LMBR1: variants seen among roughly 807,000 people sequenced by gnomAD.
LMBR1 encodes the protein limb region 1 protein homolog.
LMBR1 carries 52 observed loss-of-function variants against 73.9 expected under a neutral mutation model. The observed-to-expected ratio is 0.70, with a 90% CI of 0.56 to 0.89. LMBR1 has a LOEUF of 0.89. Ranked by LOEUF, LMBR1 falls within the 40% of genes least tolerant of loss-of-function variation. The probability of loss-of-function intolerance (pLI) is 0.00; values close to 1 mark genes in which losing one functional copy is unlikely to be tolerated. For synonymous variants in LMBR1, 215 were observed against 209.4 expected (o/e 1.03, Z -0.23); for missense variants, 539 against 579.8 (o/e 0.93, Z 0.72).
At chr7:156,879,457 G>A (rs560507924) in intron 1 of LMBR1, among the ~76,000 whole-genome samples, 42 of 152,268 alleles carry the variant, frequency 2.8e-4, no homozygotes, top group Admixed American at 2.6e-3. Context: ...GAGGTCAGGA[G>A]ATCGAGACCA....
At position 156,678,553 on chromosome 7, in the gene LMBR1, A is replaced by G. The variant is rs1053897354; in HGVS notation, c.*5525T>C. The G allele has an allele frequency of 4.6e-5, 7 of 152,324 alleles. No individual in the cohort carries two copies. In the East Asian group the frequency reaches 1.3e-3, roughly 29 times the overall value. The allele number at this position is 152,324 out of a possible 1,614,324, so 9.4% of individuals were successfully genotyped here. A position where few individuals can be genotyped will look rare whatever the true frequency, so the allele number is the denominator to read the frequency against. ...GGAAAACAGTGCAAGCTTTTATACAATTACTCCACAGCCTCATCAGGTCTC... is the reference window on the plus strand; with the variant it reads ...GGAAAACAGTGCAAGCTTTTATACAGTTACTCCACAGCCTCATCAGGTCTC... On this transcript the variant is annotated 3_prime_UTR_variant, in exon 17 of 17. Transcript: ENST00000353442.
At chr7:156,830,459 T>C (rs1836483216) in intron 3 of LMBR1, among the ~76,000 whole-genome samples, 1 of 152,236 alleles carries the variant, frequency 6.6e-6, no homozygotes, top group Non-Finnish European at 1.5e-5. Context: ...TTATCATAGT[T>C]GAATTTAAAT....
chr7:156,676,440 G>C (rs771521330), downstream of LMBR1: 1 of 1,613,926 alleles, frequency 6.2e-7, no homozygotes, highest in African/African-American at 1.3e-5. Context: ...GGAGACCCAC[G>C]AGTGCTCCAT....
intron 1 of LMBR1, among the ~76,000 whole-genome samples, chr7:156,843,584 G>A (rs770314722): frequency 2.6e-5 from 4 of 152,094 alleles, no homozygotes; most frequent in East Asian, 1.9e-4. Context: ...AGTGGCTCCC[G>A]TCTGTAATTC....
intron 4 of LMBR1, among the ~76,000 whole-genome samples, chr7:156,803,827 G>A (rs1437203762): frequency 1.3e-5 from 2 of 151,922 alleles, no homozygotes; most frequent in Non-Finnish European, 2.9e-5. Context: ...AAAAGGATGA[G>A]TTCATGTCCT....
At chr7:156,771,104 A>G (rs1419539839) in intron 5 of LMBR1, among the ~76,000 whole-genome samples, 2 of 152,138 alleles carry the variant, frequency 1.3e-5, no homozygotes, top group African/African-American at 4.8e-5. Context: ...TAATCAAGAC[A>G]TAAGATTTTA....
intron 15 of LMBR1, among the ~76,000 whole-genome samples, chr7:156,711,552 C>A (rs943809472): frequency 2.0e-5 from 3 of 151,910 alleles, no homozygotes; most frequent in African/African-American, 7.3e-5. Context: ...CAAAGCAATC[C>A]TAAGGAAAAA....
intron 3 of LMBR1, among the ~76,000 whole-genome samples, chr7:156,831,766 T>C (rs1836734277): frequency 6.6e-6 from 1 of 152,166 alleles, no homozygotes; most frequent in Admixed American, 6.5e-5. Flanking sequence ...TCAATGTACT[T>C]TTAGGGGTAA....
At chr7:156,704,854 A>C (rs142803069) in intron 15 of LMBR1, among the ~76,000 whole-genome samples, 3 of 152,080 alleles carry the variant, frequency 2.0e-5, no homozygotes, top group African/African-American at 7.2e-5. Context: ...AGAAGAAAGA[A>C]TCTCAGAACG....
At chr7:156,717,474 G>A (rs553477761) in intron 15 of LMBR1, among the ~76,000 whole-genome samples, 34 of 152,264 alleles carry the variant, frequency 2.2e-4, no homozygotes, top group Non-Finnish European at 4.4e-4. Flanking sequence ...AAAAGACACA[G>A]CTAAGGAATG....
At chr7:156,726,874 C>T (rs1010760200) in intron 12 of LMBR1, among the ~76,000 whole-genome samples, 8 of 152,040 alleles carry the variant, frequency 5.3e-5, no homozygotes, top group African/African-American at 9.7e-5. Context: ...GACACGAGGA[C>T]ACCGAGAAGA....
chr7:156,857,647 C>T (rs1797155001), intron 1 of LMBR1, among the ~76,000 whole-genome samples: 1 of 152,168 alleles, frequency 6.6e-6, no homozygotes, highest in African/African-American at 2.4e-5. Flanking sequence ...AACAATAGCA[C>T]AATATGCATT....
At chr7:156,684,233 G>T in intron 16 of LMBR1, 70 bp from the exon 17 acceptor site, 1 of 1,150,962 alleles carries the variant, frequency 8.7e-7, no homozygotes, top group Non-Finnish European at 1.3e-6. Flanking sequence ...TTAGGGTAGG[G>T]AGAAGAGGAG....
intron 1 of LMBR1, among the ~76,000 whole-genome samples, chr7:156,843,095 GCAGTCTTCCTCCCTCTCTGTTGTTCTCC>G (rs1313342919): frequency 1.3e-4 from 20 of 152,156 alleles, no homozygotes; most frequent in African/African-American, 4.8e-4. Context: ...ACTTCTGTCA[GCAGTCTTCCTCCCTCTCTGTTGTTCTCC>G]CAGTCTCCCT....
intron 5 of LMBR1, among the ~76,000 whole-genome samples, chr7:156,779,995 T>A (rs913055036): frequency 1.3e-5 from 2 of 152,156 alleles, no homozygotes; most frequent in African/African-American, 4.8e-5. Flanking sequence ...ATTATTTTAT[T>A]TTAAGCCATG....
intron 15 of LMBR1, among the ~76,000 whole-genome samples, chr7:156,703,997 C>T (rs369538314): frequency 4.8e-4 from 73 of 152,292 alleles, no homozygotes; most frequent in African/African-American, 1.7e-3. Flanking sequence ...GGGCAAAGTG[C>T]TTGGAAACTA....
At chr7:156,792,662 A>G (rs1363892054) in intron 5 of LMBR1, among the ~76,000 whole-genome samples, 1 of 152,252 alleles carries the variant, frequency 6.6e-6, no homozygotes, top group Non-Finnish European at 1.5e-5. Flanking sequence ...CCCAGGCCTA[A>G]TATGTCCTGT....
rs921584320 is a variant in LMBR1 at position 156,728,508 on chromosome 7, G to A, written c.915+136C>T. 3 of 568,610 alleles carry A rather than the reference G, an allele frequency of 5.3e-6. No individual in the cohort carries two copies. The African/African-American group carries it at 5.9e-5, about 11-fold the overall frequency. 35.2% of individuals were successfully genotyped at this position (568,610 alleles called of 1,614,324 possible). On this transcript the variant is annotated intron_variant, in intron 11 of 16. Coordinates refer to ENST00000353442, the MANE Select transcript of LMBR1 (RefSeq NM_022458.4). ...CTTTATTGGATTTTCATAAATAAAG[G>A]CATAGATGGATTTTAATCCTGTTGA...
At chr7:156,785,007 T>G (rs2133235093) in intron 5 of LMBR1, among the ~76,000 whole-genome samples, 1 of 152,260 alleles carries the variant, frequency 6.6e-6, no homozygotes, top group Non-Finnish European at 1.5e-5. Context: ...AAAATATATG[T>G]ACACAAGATG....
Sources: gnomAD v4.1 joint callset for allele counts (sites outside exome capture counted in the v4.1 genomes callset) on GRCh38, gnomAD v4.1.1 for gene constraint, MANE v1.5 for transcripts, NCBI Gene and HGNC (gene_info 2026-07-23, HGNC 2026-07-21) for gene names.